The following STRADA variants were observed in gnomAD, a reference collection of about 807,000 sequenced individuals.
STRADA encodes STE20 related adaptor alpha, also known as STE20-related kinase adapter protein alpha.
A neutral mutation model predicts 55.0 loss-of-function variants in STRADA; 26 were observed. The observed-to-expected ratio is 0.47, with a 90% CI of 0.35 to 0.66. The LOEUF (loss-of-function observed/expected upper bound fraction) is 0.66, where lower values mean the gene tolerates loss of function less well. STRADA is among the 30% of genes least tolerant of loss of function. The pLI is 0.01. For synonymous variants in STRADA, 197 were observed against 210.9 expected (o/e 0.93, Z 0.57); for missense variants, 443 against 549.7 (o/e 0.81, Z 1.94).
At chr17:63,730,572 TG>T (rs1170253774) in intron 1 of STRADA, among the ~76,000 whole-genome samples, 1 of 151,888 alleles carries the variant, frequency 6.6e-6, no homozygotes, top group Non-Finnish European at 1.5e-5. Flanking sequence ...TTGTATTTTT[TG>T]TAGAGACGGG....
chr17:63,718,827 A>C (rs2037086822), intron 4 of STRADA: 1 of 152,298 alleles, frequency 6.6e-6, no homozygotes, highest in African/African-American at 2.4e-5. Flanking sequence ...TGTCCTTTTC[A>C]GAGAGACTGC....
chr17:63,740,105 T>TATATATATATATATATATATATATAC (rs1354662253), intron 1 of STRADA, among the ~76,000 whole-genome samples: 8 of 56,662 alleles, frequency 1.4e-4, no homozygotes, highest in African/African-American at 8.1e-4. Context: ...TATATATATA[T>TATATATATATATATATATATATATAC]ATACATACAT....
intron 8 of STRADA, among the ~76,000 whole-genome samples, chr17:63,710,094 G>A (rs1598172123): frequency 6.7e-6 from 1 of 149,708 alleles, no homozygotes; most frequent in Admixed American, 6.6e-5. Flanking sequence ...GAGTGCAGTG[G>A]TGTGATCTCC....
chr17:63,709,118 C>A (rs913279964), intron 8 of STRADA, among the ~76,000 whole-genome samples: 10 of 152,186 alleles, frequency 6.6e-5, no homozygotes, highest in African/African-American at 2.4e-4. Flanking sequence ...TGGTGACATC[C>A]AAACATGTCC....
At chr17:63,725,733 G>C (rs935993074) in intron 3 of STRADA, 1 of 151,368 alleles carries the variant, frequency 6.6e-6, no homozygotes, top group East Asian at 2.0e-4. Flanking sequence ...GCAGTGGCGC[G>C]ATCTCCGCTC....
chr17:63,706,283 T>G (rs1259588102), intron 10 of STRADA: 1 of 172,454 alleles, frequency 5.8e-6, no homozygotes, highest in Admixed American at 6.3e-5. Context: ...AATTAGAAAC[T>G]GACCTTCCAG....
chr17:63,721,161 C>G (rs1307860371), intron 4 of STRADA, among the ~76,000 whole-genome samples: 1 of 151,226 alleles, frequency 6.6e-6, no homozygotes, highest in Non-Finnish European at 1.5e-5. Context: ...ATCACAAGGT[C>G]AAGAGAACGA....
intron 1 of STRADA, among the ~76,000 whole-genome samples, chr17:63,733,413 T>A (rs2038207725): frequency 6.6e-6 from 1 of 152,176 alleles, no homozygotes; most frequent in African/African-American, 2.4e-5. Flanking sequence ...TTCTTCTTCC[T>A]TTTATCTTTG....
intron 4 of STRADA, chr17:63,715,252 A>G (rs1300187207): frequency 6.6e-6 from 1 of 152,186 alleles, no homozygotes; most frequent in Non-Finnish European, 1.5e-5. Context: ...CAAATTGCAC[A>G]TGATTCCTCC....
At chr17:63,726,946 T>G (rs1268980626) in intron 2 of STRADA, 1 of 508,580 alleles carries the variant, frequency 2.0e-6, no homozygotes, top group Non-Finnish European at 3.5e-6. Flanking sequence ...GTACTGGCTG[T>G]AATAATGAAG....
intron 4 of STRADA, among the ~76,000 whole-genome samples, chr17:63,720,387 G>C (rs1343914001): frequency 6.6e-6 from 1 of 151,878 alleles, no homozygotes; most frequent in African/African-American, 2.4e-5. Context: ...GCCCAGGCTG[G>C]CTTCAAATTC....
At chr17:63,725,872 A>T (rs1708613849) in intron 3 of STRADA, 1 of 147,790 alleles carries the variant, frequency 6.8e-6, no homozygotes, top group African/African-American at 2.5e-5. Flanking sequence ...GAGTTTCACC[A>T]TGTTAGCCAA....
chr17:63,706,850 C>G, intron 9 of STRADA, 111 bp from the exon 10 acceptor site: 1 of 777,180 alleles, frequency 1.3e-6, no homozygotes, highest in Non-Finnish European at 2.2e-6. Context: ...GGACCTGCTG[C>G]TAATGACTCT....
intron 4 of STRADA, chr17:63,714,328 A>C: frequency 2.0e-6 from 1 of 496,924 alleles, no homozygotes; most frequent in Non-Finnish European, 3.8e-6. Flanking sequence ...ACAAATGAGG[A>C]GACAAGGACC....
At chr17:63,730,591 T>C (rs547199956) in intron 1 of STRADA, among the ~76,000 whole-genome samples, 10 of 151,754 alleles carry the variant, frequency 6.6e-5, no homozygotes, top group African/African-American at 2.4e-4. Context: ...GGGCTTTGCA[T>C]TGTTGCCCAG....
In STRADA at chr17:63,740,135, CATAT is replaced by C. The variant is rs1228869564; in HGVS notation, c.-45+1602_-45+1605del. On this transcript the variant is annotated intron_variant, in intron 1 of 12. Transcript: ENST00000336174. Reference sequence around the variant, plus strand: ...ATACATACATATATATATACACATACATATATATATATACACACACACACACACA... The same window carrying C: ...ATACATACATATATATATACACATACATATATATACACACACACACACACA... 5.2e-3 allele frequency among the ~76,000 whole-genome samples: 281 copies of C among 54,190 alleles called. 17 individuals carry two copies. The highest frequency in any genetic ancestry group is 0.011 in the African/African-American group (140 of 12,494). The allele number at this position is 54,190 out of a possible 152,430, so 35.6% of individuals were successfully genotyped here.
intron 5 of STRADA, 103 bp downstream of exon 5, chr17:63,713,903 A>C: frequency 1.1e-6 from 1 of 913,426 alleles, no homozygotes; most frequent in South Asian, 1.4e-5. Context: ...AATCCTCCTA[A>C]CTAGTGGATG....
At chr17:63,705,943 C>G (rs915347838) in intron 10 of STRADA, 1 of 152,196 alleles carries the variant, frequency 6.6e-6, no homozygotes, top group Non-Finnish European at 1.5e-5. Context: ...CCCCTACCAC[C>G]GGGCAAGCAG....
intron 12 of STRADA, 75 bp downstream of exon 12, chr17:63,703,930 G>A: frequency 6.2e-7 from 1 of 1,608,742 alleles, no homozygotes; most frequent in Non-Finnish European, 8.5e-7. Flanking sequence ...AAAGGGAGGG[G>A]AGAGAAAGCT....
Sources: allele counts gnomAD v4.1 joint callset (sites outside exome capture counted in the v4.1 genomes callset), GRCh38; gene constraint gnomAD v4.1.1; transcripts MANE v1.5; gene names NCBI Gene and HGNC (gene_info 2026-07-23, HGNC 2026-07-21).